CAPRIN2: variants seen among roughly 807,000 people sequenced by gnomAD.
The protein encoded by CAPRIN2 is caprin-2.
A neutral mutation model predicts 130.4 loss-of-function variants in CAPRIN2; 66 were observed. The observed-to-expected ratio is 0.51, with a 90% confidence interval of 0.42 to 0.62. The LOEUF (loss-of-function observed/expected upper bound fraction) is 0.62. Ranked by LOEUF, CAPRIN2 falls within the 20% of genes least tolerant of loss-of-function variation. The pLI, the probability that CAPRIN2 is intolerant of heterozygous loss-of-function variation, is 0.00. For missense variants in CAPRIN2, 1,185 were observed against 1,246.6 expected, an observed-to-expected ratio of 0.95 and a Z score of 0.74; for synonymous variants, 471 against 444.1, an observed-to-expected ratio of 1.06 and a Z score of -0.76.
intron 6 of CAPRIN2, among the ~76,000 whole-genome samples, chr12:30,730,708 A>G (rs2062387318): frequency 6.6e-6 from 1 of 152,194 alleles, no homozygotes; most frequent in African/African-American, 2.4e-5. Flanking sequence ...GAGAGTGGAG[A>G]TACTTAAGCA....
exon 12 of CAPRIN2, chr12:30,720,820 C>G: frequency 6.3e-7 from 1 of 1,591,222 alleles, no homozygotes; most frequent in Admixed American, 1.7e-5. Context: ...CCTCAGGAGT[C>G]TCTGAGGTCA....
At chr12:30,743,996 T>C (rs2068701286) in intron 2 of CAPRIN2, among the ~76,000 whole-genome samples, 1 of 152,150 alleles carries the variant, frequency 6.6e-6, no homozygotes, top group African/African-American at 2.4e-5. Flanking sequence ...AGTACAAAAT[T>C]GAGCTCTTTA....
At chr12:30,712,733 C>CTTTTTTTT (rs754373140) in intron 15 of CAPRIN2, among the ~76,000 whole-genome samples, 6 of 107,290 alleles carry the variant, frequency 5.6e-5, no homozygotes, top group Admixed American at 1.3e-4. Context: ...GTTTTCCACT[C>CTTTTTTTT]TTTTTTTTTT....
At chr12:30,732,251 T>C (rs1315171146) in intron 5 of CAPRIN2, among the ~76,000 whole-genome samples, 1 of 152,034 alleles carries the variant, frequency 6.6e-6, no homozygotes, top group Non-Finnish European at 1.5e-5. Flanking sequence ...CATTTTATTT[T>C]AAAAATCCAT....
intron 10 of CAPRIN2, among the ~76,000 whole-genome samples, chr12:30,723,671 A>C (rs185612049): frequency 6.6e-6 from 1 of 152,288 alleles, no homozygotes; most frequent in Non-Finnish European, 1.5e-5. Context: ...TAATTTTCAC[A>C]AATTTCAAAG....
At chr12:30,748,873 A>C (rs773025446) in intron 2 of CAPRIN2, among the ~76,000 whole-genome samples, 4 of 152,366 alleles carry the variant, frequency 2.6e-5, no homozygotes, top group Admixed American at 6.5e-5. Context: ...CTAGGAATAC[A>C]GCAATGAACA....
At chr12:30,726,211 A>G (rs1371040187) in intron 8 of CAPRIN2, 123 bp from the exon 10 acceptor site, 4 of 788,994 alleles carry the variant, frequency 5.1e-6, no homozygotes, top group Admixed American at 3.7e-5. Context: ...ATCACAGGTA[A>G]AGAATTTTCT....
At chr12:30,750,135 G>C (rs1188037435) in intron 2 of CAPRIN2, among the ~76,000 whole-genome samples, 1 of 152,212 alleles carries the variant, frequency 6.6e-6, no homozygotes, top group Non-Finnish European at 1.5e-5. Flanking sequence ...CCCCAGCTAA[G>C]TGAGCGCACC....
intron 12 of CAPRIN2, chr12:30,719,984 C>T (rs917388966): frequency 6.6e-6 from 1 of 152,206 alleles, no homozygotes. Context: ...AATTACTCCT[C>T]AAAATTCATC....
chr12:30,715,376 A>G (rs2057166606), intron 13 of CAPRIN2: 12 of 609,374 alleles, frequency 2.0e-5, no homozygotes, highest in Non-Finnish European at 2.1e-5. Flanking sequence ...CTACAACATG[A>G]ATGAACCCTT....
chr12:30,742,990 T>C (rs888080075), intron 2 of CAPRIN2, among the ~76,000 whole-genome samples: 1 of 152,162 alleles, frequency 6.6e-6, no homozygotes, highest in Non-Finnish European at 1.5e-5. Flanking sequence ...ACTCCATATC[T>C]ACTCCCAAAT....
At chr12:30,724,493 C>T (rs1243363352) in intron 9 of CAPRIN2, 42 bp from the exon 11 acceptor site, 1 of 1,320,576 alleles carries the variant, frequency 7.6e-7, no homozygotes, top group South Asian at 1.2e-5. Context: ...ACAGAGATTA[C>T]TCATTTAAAA....
intron 11 of CAPRIN2, among the ~76,000 whole-genome samples, chr12:30,722,555 G>C (rs1451832541): frequency 6.6e-6 from 1 of 152,064 alleles, no homozygotes; most frequent in Admixed American, 6.5e-5. Flanking sequence ...AGCAGTCAGT[G>C]AATTGGAGGA....
At chr12:30,729,090 G>A in exon 8 of CAPRIN2, 3 of 1,614,082 alleles carry the variant, frequency 1.9e-6, no homozygotes, top group Non-Finnish European at 2.5e-6. Flanking sequence ...CCTGAGTTTT[G>A]AGGTGTCTTG....
chr12:30,709,912 T>C, exon 17 of CAPRIN2: 1 of 1,605,982 alleles, frequency 6.2e-7, no homozygotes, highest in South Asian at 1.1e-5. Context: ...TCAATCTTGA[T>C]AAAGAAGATA....
intron 2 of CAPRIN2, among the ~76,000 whole-genome samples, chr12:30,746,695 C>CT (rs1190234513): frequency 1.3e-5 from 2 of 152,168 alleles, no homozygotes; most frequent in Non-Finnish European, 2.9e-5. Flanking sequence ...CCCTAACTCT[C>CT]TTTTATTCTG....
At chr12:30,713,396 T>C (rs991815943) in intron 15 of CAPRIN2, among the ~76,000 whole-genome samples, 1 of 152,188 alleles carries the variant, frequency 6.6e-6, no homozygotes, top group Non-Finnish European at 1.5e-5. Context: ...GAAGGCAATG[T>C]AGTAAAGTTA....
intron 9 of CAPRIN2, among the ~76,000 whole-genome samples, chr12:30,724,991 T>C (rs1270177563): frequency 6.6e-6 from 1 of 152,080 alleles, no homozygotes; most frequent in African/African-American, 2.4e-5. Context: ...TGGGACCCTG[T>C]CTTTAAACAA....
In CAPRIN2 at chr12:30,710,151, GTAAGTGCC is replaced by G; in HGVS notation, c.2977_2984del (p.Gly993ArgfsTer23). 6.2e-7 allele frequency: 1 copy of G among 1,614,016 alleles called. No homozygotes were observed. The highest frequency in any genetic ancestry group is 8.5e-7 in the Non-Finnish European group (1 of 1,180,022). ...GCTTTAGCATGTGAAAAATGAAAAC[GTAAGTGCC>G]ATTCACTGGGCAATTAAATCTACCA... On this transcript the variant is annotated frameshift_variant, in exon 17 of 17. Coordinates refer to ENST00000298892, the Ensembl canonical transcript of CAPRIN2. LOFTEE classifies it high-confidence loss of function. This position sits in a 1 kb window ranked among gnomAD's most constrained non-coding sequence, Gnocchi z 4.8.
Sources: gnomAD v4.1 joint callset for allele counts (sites outside exome capture counted in the v4.1 genomes callset) on GRCh38, gnomAD v4.1.1 for gene constraint, Gnocchi (gnomAD v3.1) non-coding constraint, MANE v1.5 for transcripts, NCBI Gene and HGNC (gene_info 2026-07-23, HGNC 2026-07-21) for gene names.